ABCG2: variants seen among roughly 807,000 people sequenced by gnomAD.
ABCG2 encodes the protein ATP binding cassette subfamily G member 2 (JR blood group), also known as broad substrate specificity ATP-binding cassette transporter ABCG2.
A neutral mutation model predicts 73.5 loss-of-function variants in ABCG2; 80 were observed. The observed-to-expected ratio is 1.09, with a 90% CI of 0.91 to 1.31. The LOEUF (loss-of-function observed/expected upper bound fraction) is 1.31. ABCG2 is among the 50% of genes most tolerant of loss of function. ABCG2 has a pLI of 0.00. For missense variants in ABCG2, 796 were observed against 786.2 expected (o/e 1.01, Z -0.15); for synonymous variants, 269 against 282.4 (o/e 0.95, Z 0.48).
intron 5 of ABCG2, among the ~76,000 whole-genome samples, chr4:88,126,647 C>A (rs924422623): frequency 6.6e-6 from 1 of 152,124 alleles, no homozygotes; most frequent in Non-Finnish European, 1.5e-5. Flanking sequence ...AAATGTAATC[C>A]ATCACATAAA....
intron 1 of ABCG2, among the ~76,000 whole-genome samples, chr4:88,140,563 G>A (rs995444286): frequency 3.3e-5 from 5 of 152,050 alleles, no homozygotes; most frequent in Admixed American, 1.3e-4. Context: ...CAGAGGTTGC[G>A]GTGAGCAGAG....
intron 1 of ABCG2, among the ~76,000 whole-genome samples, chr4:88,227,287 T>G (rs28667581): frequency 0.21 from 32,391 of 151,616 alleles, 4,032 homozygotes; most frequent in Non-Finnish European, 0.29. Flanking sequence ...ATTCCAGTAC[T>G]AGGGAGGCTA....
At chr4:88,230,654 C>A (rs1426178592) in intron 1 of ABCG2, among the ~76,000 whole-genome samples, 1 of 152,088 alleles carries the variant, frequency 6.6e-6, no homozygotes, top group African/African-American at 2.4e-5. Flanking sequence ...ATTGTCTTCT[C>A]AGGTGCTCAA....
intron 1 of ABCG2, among the ~76,000 whole-genome samples, chr4:88,186,160 A>C (rs1728446985): frequency 6.6e-6 from 1 of 152,210 alleles, no homozygotes; most frequent in Admixed American, 6.5e-5. Flanking sequence ...CTACTTATAC[A>C]CAACAGAATA....
At chr4:88,218,667 T>G (rs1312324705) in intron 1 of ABCG2, among the ~76,000 whole-genome samples, 5 of 152,130 alleles carry the variant, frequency 3.3e-5, no homozygotes, top group Admixed American at 3.3e-4. Flanking sequence ...TAGCCCCTAC[T>G]TATGAGTGAG....
intron 1 of ABCG2, among the ~76,000 whole-genome samples, chr4:88,197,773 A>G (rs544456845): frequency 2.6e-5 from 4 of 152,040 alleles, no homozygotes; most frequent in African/African-American, 9.6e-5. Flanking sequence ...ACCGCACTCC[A>G]GCCTGGGTGA....
At chr4:88,171,560 T>C (rs990116736) in intron 1 of ABCG2, among the ~76,000 whole-genome samples, 2 of 37,064 alleles carry the variant, frequency 5.4e-5, no homozygotes, top group African/African-American at 3.4e-4. Flanking sequence ...TTCTTCCTCA[T>C]GTTTTCAATG....
intron 1 of ABCG2, among the ~76,000 whole-genome samples, chr4:88,184,171 AC>A (rs1447486011): frequency 6.6e-6 from 1 of 152,184 alleles, no homozygotes; most frequent in East Asian, 1.9e-4. Flanking sequence ...GCCCACTTTC[AC>A]CACTGTTATT....
Position 88,211,358 on chromosome 4 carries a change from G to GCCCCCCCCC in ABCG2, c.-20+19635_-20+19636insGGGGGGGGG, listed in dbSNP as rs1264405228. Among the ~76,000 whole-genome samples, 3 of 33,648 alleles carry GCCCCCCCCC rather than the reference G, an allele frequency of 8.9e-5. 1 individual carries two copies. Among genetic ancestry groups the GCCCCCCCCC allele is most frequent in the Non-Finnish European group, 5.6e-5 (1 of 17,830 alleles). 22.1% of individuals were successfully genotyped at this position (33,648 alleles called of 152,430 possible). On this transcript the variant is annotated intron_variant, in intron 1 of 15. Coordinates refer to the ABCG2 transcript ENST00000515655. ...CCTGATAGGTAATTGTTCAACCCCT[G>GCCCCCCCCC]CCCCACCCCCCCCCACTTTTGGAGA...
intron 1 of ABCG2, among the ~76,000 whole-genome samples, chr4:88,152,266 C>A (rs1726546011): frequency 6.6e-6 from 1 of 152,150 alleles, no homozygotes; most frequent in South Asian, 2.1e-4. Context: ...GAGACTGAAT[C>A]CAAGTTGGCA....
intron 2 of ABCG2, among the ~76,000 whole-genome samples, chr4:88,138,690 G>A (rs1725410245): frequency 6.6e-6 from 1 of 152,088 alleles, no homozygotes; most frequent in Non-Finnish European, 1.5e-5. Flanking sequence ...TACTTAAACA[G>A]GAAATGCCAG....
intron 15 of ABCG2, among the ~76,000 whole-genome samples, chr4:88,093,548 C>A (rs1040233454): frequency 1.3e-5 from 2 of 149,682 alleles, no homozygotes; most frequent in Non-Finnish European, 3.0e-5. Context: ...CCTTTGTCTA[C>A]TGAGGATGAA....
chr4:88,107,195 T>G lies in ABCG2; in HGVS notation c.1266A>C (p.Gly422=). 6.2e-7 allele frequency: 1 copy of G among 1,612,270 alleles called. No individual in the cohort carries two copies. Among genetic ancestry groups the G allele is most frequent in the Non-Finnish European group, 8.5e-7 (1 of 1,178,742 alleles). ...IYFGLKNDST[G]IQNRAGVLFF... Reference sequence around the variant, plus strand: ...CCAAATTTACTTACCTGTTCTGGATTCCAGTAGAATCATTTTTTAGCCCAA... The same window carrying G: ...CCAAATTTACTTACCTGTTCTGGATGCCAGTAGAATCATTTTTTAGCCCAA... The change falls in exon 10 of 16, where the codon GGA becomes GGC. Residue 422 remains glycine, a synonymous_variant. Coordinates refer to ENST00000237612, the MANE Select transcript of ABCG2 (RefSeq NM_004827.3).
intron 1 of ABCG2, among the ~76,000 whole-genome samples, chr4:88,216,435 A>T (rs1729815933): frequency 2.6e-5 from 4 of 152,212 alleles, no homozygotes; most frequent in Admixed American, 1.3e-4. Context: ...AATGTCAGTA[A>T]GCCTCTTTCT....
upstream of ABCG2, among the ~76,000 whole-genome samples, chr4:88,161,156 AT>A (rs766437759): frequency 0.095 from 12,349 of 130,026 alleles, 580 homozygotes; most frequent in Non-Finnish European, 0.12. Flanking sequence ...TCTACAAACA[AT>A]TTTTTTTTTT....
At chr4:88,118,015 C>T in intron 7 of ABCG2, 94 bp downstream of exon 7, 2 of 1,277,854 alleles carry the variant, frequency 1.6e-6, no homozygotes, top group East Asian at 2.5e-5. Context: ...GGTATGTCTA[C>T]CCAAAGACCA....
At chr4:88,159,025 C>T, upstream of ABCG2, 1 of 405,386 alleles carries the variant, frequency 2.5e-6, no homozygotes, top group Non-Finnish European at 4.9e-6. Context: ...TGAAAGCGCA[C>T]ACGTGTCCTG....
chr4:88,221,349 G>T (rs1730006071), intron 1 of ABCG2, among the ~76,000 whole-genome samples: 1 of 152,106 alleles, frequency 6.6e-6, no homozygotes, highest in African/African-American at 2.4e-5. Context: ...GACTAATACA[G>T]TAAATTGGTA....
chr4:88,212,038 C>G (rs546782216), intron 1 of ABCG2, among the ~76,000 whole-genome samples: 1 of 152,240 alleles, frequency 6.6e-6, no homozygotes, highest in South Asian at 2.1e-4. Context: ...GTCTATGTCC[C>G]AATTTACACA....
Sources: allele counts gnomAD v4.1 joint callset (sites outside exome capture counted in the v4.1 genomes callset), GRCh38; gene constraint gnomAD v4.1.1; transcripts MANE v1.5; gene names NCBI Gene and HGNC (gene_info 2026-07-23, HGNC 2026-07-21).